CPA6: variants seen among roughly 807,000 people sequenced by gnomAD.
CPA6 encodes carboxypeptidase A6.
CPA6 carries 58 observed loss-of-function variants against 63.3 expected under a neutral mutation model. The observed-to-expected ratio is 0.92, with a 90% CI of 0.74 to 1.14. The LOEUF is 1.14. Ranked by LOEUF, CPA6 falls within the 50% of genes most tolerant of loss-of-function variation. The pLI is 0.00. For missense variants in CPA6, 565 were observed against 526.6 expected (o/e 1.07, Z -0.71); for synonymous variants, 185 against 179.0 (o/e 1.03, Z -0.27).
At chr8:67,436,245 G>A (rs577966426) in intron 8 of CPA6, among the ~76,000 whole-genome samples, 33 of 152,242 alleles carry the variant, frequency 2.2e-4, no homozygotes, top group African/African-American at 7.5e-4. Context: ...GAGGCAAGGC[G>A]AAGCCGATGT....
intron 7 of CPA6, 86 bp from the exon 8 acceptor site, chr8:67,483,944 T>G (rs537503606): frequency 9.2e-7 from 1 of 1,086,486 alleles, no homozygotes; most frequent in Non-Finnish European, 1.4e-6. Context: ...AATGAAAGAG[T>G]CATACCACTG....
At chr8:67,676,215 C>G (rs1029784625) in intron 1 of CPA6, among the ~76,000 whole-genome samples, 1 of 152,156 alleles carries the variant, frequency 6.6e-6, no homozygotes, top group Non-Finnish European at 1.5e-5. Flanking sequence ...TTTATCTGCA[C>G]AGATAAGGAT....
At chr8:67,551,480 CT>C (rs1453186865) in intron 2 of CPA6, among the ~76,000 whole-genome samples, 14 of 152,020 alleles carry the variant, frequency 9.2e-5, no homozygotes, top group African/African-American at 3.4e-4. Flanking sequence ...GTTCTTTTTG[CT>C]TCAGATTGCT....
intron 1 of CPA6, among the ~76,000 whole-genome samples, chr8:67,703,634 T>TGCATTTGTG (rs1330928429): frequency 6.6e-6 from 1 of 152,250 alleles, no homozygotes; most frequent in Non-Finnish European, 1.5e-5. Context: ...TGGCTCTTGC[T>TGCATTTGTG]GCATTTGTCT....
intron 2 of CPA6, among the ~76,000 whole-genome samples, chr8:67,567,694 G>A (rs901847433): frequency 2.6e-5 from 4 of 152,198 alleles, no homozygotes; most frequent in South Asian, 4.1e-4. Context: ...CATTGAAAGG[G>A]CAGGATAATC....
Position 67,663,937 on chromosome 8 carries a change from A to G in CPA6, c.117-39686T>C, listed in dbSNP as rs1011506077. ...GAAACATAGGTTACATGATGTAAGT[A>G]ATGGAAACCCCTTCCAAGATAGTGA... On this transcript the variant is annotated intron_variant, in intron 1 of 10. Transcript: ENST00000297770. Among the ~76,000 whole-genome samples the G allele has an allele frequency of 6.6e-5, 10 of 152,334 alleles. No homozygotes were observed. The East Asian group carries it at 1.5e-3, about 23-fold the overall frequency.
intron 1 of CPA6, chr8:67,735,679 T>TTG (rs1817798445): frequency 6.6e-6 from 1 of 150,582 alleles, no homozygotes; most frequent in Non-Finnish European, 1.5e-5. Flanking sequence ...GTGGCAGTCT[T>TTG]TTTTTTTTTT....
At chr8:67,503,770 T>A (rs1811875942) in intron 6 of CPA6, among the ~76,000 whole-genome samples, 1 of 152,208 alleles carries the variant, frequency 6.6e-6, no homozygotes, top group East Asian at 1.9e-4. Context: ...AGTTCTGGGA[T>A]ACATGTCCTG....
At chr8:67,717,272 G>A (rs1817401867) in intron 1 of CPA6, among the ~76,000 whole-genome samples, 2 of 152,168 alleles carry the variant, frequency 1.3e-5, no homozygotes, top group African/African-American at 2.4e-5. Context: ...TGAGAGAAAG[G>A]AGCACAGCTG....
intron 2 of CPA6, among the ~76,000 whole-genome samples, chr8:67,519,325 C>T (rs887191006): frequency 3.9e-5 from 6 of 152,320 alleles, no homozygotes; most frequent in Non-Finnish European, 5.9e-5. Context: ...AGTTTGTCTT[C>T]ACAGTCCTGC....
chr8:67,723,099 C>T (rs1183241344), intron 1 of CPA6, among the ~76,000 whole-genome samples: 1 of 152,034 alleles, frequency 6.6e-6, no homozygotes, highest in African/African-American at 2.4e-5. Flanking sequence ...TCAATATATG[C>T]CATAACTCAT....
At chr8:67,591,149 T>G (rs1344004621) in intron 2 of CPA6, among the ~76,000 whole-genome samples, 1 of 152,178 alleles carries the variant, frequency 6.6e-6, no homozygotes, top group Non-Finnish European at 1.5e-5. Context: ...AGGAATCCTT[T>G]CCCCATTGCT....
chr8:67,624,919 C>T (rs1386094543), intron 1 of CPA6, among the ~76,000 whole-genome samples: 1 of 152,100 alleles, frequency 6.6e-6, no homozygotes, highest in Non-Finnish European at 1.5e-5. Flanking sequence ...GCTTTCTGCA[C>T]ATAAAGCAAT....
chr8:67,510,642 G>A (rs562551329), intron 4 of CPA6, among the ~76,000 whole-genome samples: 28 of 152,164 alleles, frequency 1.8e-4, no homozygotes, highest in Non-Finnish European at 3.7e-4. Flanking sequence ...TAAGAATAGA[G>A]CAGCATCTCA....
intron 2 of CPA6, among the ~76,000 whole-genome samples, chr8:67,526,866 A>C (rs1812374555): frequency 6.6e-6 from 1 of 152,216 alleles, no homozygotes; most frequent in African/African-American, 2.4e-5. Context: ...ATGACTTATA[A>C]GTACTAACGA....
chr8:67,540,980 C>G (rs1160372585), intron 2 of CPA6, among the ~76,000 whole-genome samples: 1 of 152,190 alleles, frequency 6.6e-6, no homozygotes, highest in Non-Finnish European at 1.5e-5. Flanking sequence ...CACTTGGCTC[C>G]CTGGCTTCAG....
intron 2 of CPA6, among the ~76,000 whole-genome samples, chr8:67,607,119 TCCTC>T (rs1814661267): frequency 1.1e-5 from 1 of 92,286 alleles, no homozygotes; most frequent in Non-Finnish European, 2.0e-5. Context: ...CTCCTCCTCC[TCCTC>T]CTCCTCCTCC....
chr8:67,482,811 G>C (rs1350514583), intron 8 of CPA6, among the ~76,000 whole-genome samples: 1 of 152,136 alleles, frequency 6.6e-6, no homozygotes, highest in South Asian at 2.1e-4. Context: ...GACTACATTT[G>C]TCTTATTTTA....
chr8:67,598,060 T>G (rs966210182), intron 2 of CPA6, among the ~76,000 whole-genome samples: 2 of 152,222 alleles, frequency 1.3e-5, no homozygotes, highest in African/African-American at 4.8e-5. Context: ...TACTTATTTT[T>G]GGTCCACCCT....
Sources: gnomAD v4.1 joint callset for allele counts (sites outside exome capture counted in the v4.1 genomes callset) on GRCh38, gnomAD v4.1.1 for gene constraint, MANE v1.5 for transcripts, NCBI Gene and HGNC (gene_info 2026-07-23, HGNC 2026-07-21) for gene names.